Variants in UTP20 observed in about 807,000 individuals in gnomAD.
UTP20 encodes the protein small subunit processome component 20 homolog.
In UTP20, 164 loss-of-function variants were observed where a neutral mutation model predicts 329.5. That is an observed-to-expected ratio of 0.50 (90% CI 0.44 to 0.57). The LOEUF (loss-of-function observed/expected upper bound fraction) is 0.57. Ranked by LOEUF, UTP20 falls within the 20% of genes least tolerant of loss-of-function variation. UTP20 has a pLI of 0.00. For synonymous variants in UTP20, 1,151 were observed against 1,159.3 expected (o/e 0.99, Z 0.14); for missense variants, 3,055 against 3,284.2 (o/e 0.93, Z 1.71).
intron 16 of UTP20, 56 bp downstream of exon 16, chr12:101,306,121 G>T (rs978503546): frequency 7.4e-6 from 11 of 1,483,908 alleles, no homozygotes; most frequent in Non-Finnish European, 9.9e-6. Flanking sequence ...TTTCTATATG[G>T]ACTGCAGTGG....
Position 101,365,460 on chromosome 12 carries a change from T to A in UTP20, c.5960T>A (p.Ile1987Asn). ...ATGACATTTATGTTTTGCCTTTAGA[T>A]CTTACAAAATACCACGAGTTTGAAA... ...VTKLILPLKE[I>N]LQNTTSLKLA... Residue 1987 changes from isoleucine to asparagine, a missense_variant and splice_region_variant, in exon 46 of 62, where the codon ATC becomes AAC. Coordinates refer to ENST00000261637, the MANE Select transcript of UTP20 (RefSeq NM_014503.3). 1 of 1,601,182 alleles carries A rather than the reference T, an allele frequency of 6.2e-7. No individual in the cohort carries two copies.
chr12:101,292,934 T>A (rs115916003), intron 10 of UTP20, among the ~76,000 whole-genome samples: 344 of 152,348 alleles, frequency 2.3e-3, no homozygotes, highest in African/African-American at 7.6e-3. Context: ...AATCATGCTG[T>A]TTGCCCTTTC....
intron 51 of UTP20, among the ~76,000 whole-genome samples, chr12:101,371,844 A>G (rs1206986019): frequency 6.6e-6 from 1 of 152,142 alleles, no homozygotes; most frequent in Non-Finnish European, 1.5e-5. Flanking sequence ...GCTTTGTTCT[A>G]AGAATAGCAA....
intron 45 of UTP20, among the ~76,000 whole-genome samples, chr12:101,365,048 T>A (rs1224945448): frequency 2.7e-5 from 4 of 149,806 alleles, no homozygotes; most frequent in African/African-American, 1.0e-4. Context: ...TGGTTTTCTA[T>A]GAGGAGTGAA....
chr12:101,383,076 G>T lies in UTP20; in HGVS notation c.7692G>T (p.Leu2564Phe). 6.2e-7 allele frequency: 1 copy of T among 1,609,130 alleles called. No homozygotes were observed. Among genetic ancestry groups the T allele is most frequent in the South Asian group, 1.1e-5 (1 of 89,804 alleles). Reference protein sequence around the residue: ...VKNLLFAAKVLYLLELYCEDK... With the variant: ...VKNLLFAAKVFYLLELYCEDK... ...ATTTGTTGTTCGCAGCCAAAGTCTT[G>T]TATTTACTGGAACTTTATTGTGAGG... Residue 2564 changes from leucine (L) to phenylalanine (F), a missense_variant, in exon 59 of 62, where the codon TTG becomes TTT. By Grantham distance (22) the Leu-to-Phe change is conservative. Around this residue, in one of 3 missense-constraint regions of UTP20, gnomAD observed 337 missense variants for 345.5 expected, o/e 0.98. Coordinates refer to ENST00000261637, the MANE Select transcript of UTP20 (RefSeq NM_014503.3).
intron 8 of UTP20, 89 bp downstream of exon 8, chr12:101,290,977 G>A: frequency 7.4e-7 from 1 of 1,355,494 alleles, no homozygotes. Flanking sequence ...ACTCCTAGAA[G>A]TTATATTTTA....
At chr12:101,317,355 T>A in intron 21 of UTP20, 123 bp from the exon 22 acceptor site, 1 of 1,042,940 alleles carries the variant, frequency 9.6e-7, no homozygotes, top group Non-Finnish European at 1.4e-6. Flanking sequence ...TTGCCTAAGG[T>A]ACCACTATGT....
Position 101,338,122 on chromosome 12 carries a change from T to C in UTP20, c.3713T>C (p.Ile1238Thr). ...ECDILTNVFA[I>T]LSAKNLSDAT... ...GATATCCTGACCAATGTTTTTGCAA[T>C]TCTCTCAGCGAAGAATCTTTCTGAT... The change falls in exon 30 of 62, where the codon ATT (isoleucine) becomes ACT (threonine). Residue 1238 changes from isoleucine to threonine, a missense_variant. This residue lies in a region of UTP20 where 2,445 missense variants were observed against 2,575.5 expected (regional missense o/e 0.95). Coordinates refer to ENST00000261637, the MANE Select transcript of UTP20 (RefSeq NM_014503.3). 6.2e-7 allele frequency: 1 copy of C among 1,614,186 alleles called. No homozygotes were observed. Among genetic ancestry groups the C allele is most frequent in the African/African-American group, 1.3e-5 (1 of 75,070 alleles).
chr12:101,379,592 T>C (rs561400980), intron 57 of UTP20, 34 bp downstream of exon 57: 59 of 1,588,372 alleles, frequency 3.7e-5, no homozygotes, highest in Non-Finnish European at 4.9e-5. Flanking sequence ...CCTTCCCTCG[T>C]GACTGTAAGA....
intron 58 of UTP20, among the ~76,000 whole-genome samples, chr12:101,382,029 A>AAG (rs916958913): frequency 1.3e-5 from 2 of 150,566 alleles, no homozygotes; most frequent in African/African-American, 4.9e-5. Flanking sequence ...AAAAAAAAAA[A>AAG]AAAAAAAGAG....
Position 101,377,265 on chromosome 12 carries a change from A to T in UTP20, c.7396+1509A>T, listed in dbSNP as rs181159977. Among the ~76,000 whole-genome samples the T allele has an allele frequency of 4.6e-5, 7 of 152,330 alleles. No homozygotes were observed. The East Asian group carries it at 9.6e-4, about 21-fold the overall frequency. On this transcript the variant is annotated intron_variant, in intron 56 of 61. Coordinates refer to ENST00000261637, the MANE Select transcript of UTP20 (RefSeq NM_014503.3). ...ATCAAAAGTAAAAACATGTCTATGA[A>T]ATATAGCAGCAAGACTAAAACTGAG...
At chr12:101,351,405 G>A (rs369140966) in intron 38 of UTP20, among the ~76,000 whole-genome samples, 1 of 152,236 alleles carries the variant, frequency 6.6e-6, no homozygotes, top group Non-Finnish European at 1.5e-5. Context: ...GATTACAGGC[G>A]TGTGCCACCG....
In UTP20 at chr12:101,321,313, G is replaced by A. The variant is rs147945605; in HGVS notation, c.2916-191G>A. On this transcript the variant is annotated intron_variant, in intron 24 of 61. Coordinates refer to ENST00000261637, the MANE Select transcript of UTP20 (RefSeq NM_014503.3). ...GACAGAATCTAATCTTTTCTAATCC[G>A]TTATACCTTTTGAAATGTACAAATC... 2.5e-4 allele frequency among the ~76,000 whole-genome samples: 38 copies of A among 152,064 alleles called. 1 individual carries two copies. In the East Asian group the frequency reaches 7.0e-3, roughly 28 times the overall value.
At chr12:101,345,031 C>T (rs1348923445) in intron 36 of UTP20, among the ~76,000 whole-genome samples, 3 of 150,160 alleles carry the variant, frequency 2.0e-5, no homozygotes, top group African/African-American at 4.9e-5. Context: ...CTGCAACCTC[C>T]GCCTCCCGGG....
Position 101,366,597 on chromosome 12 carries a change from C to T in UTP20, c.6165C>T (p.Pro2055=), listed in dbSNP as rs1451038911. ...VAPAPDPRLP[P]QSCLLLPPTP... ...CAGCACCAGATCCACGTCTACCACCCCAGAGCTGCCTTCTGCTTCCCCCAA... is the reference window on the plus strand; with the variant it reads ...CAGCACCAGATCCACGTCTACCACCTCAGAGCTGCCTTCTGCTTCCCCCAA... Residue 2055 remains proline, a synonymous_variant, in exon 47 of 62, where the codon CCC becomes CCT. Coordinates refer to ENST00000261637, the MANE Select transcript of UTP20 (RefSeq NM_014503.3). 7 of 1,614,042 alleles carry T rather than the reference C, an allele frequency of 4.3e-6. No homozygotes were observed. Among genetic ancestry groups the T allele is most frequent in the Admixed American group, 1.7e-5 (1 of 59,998 alleles).
chr12:101,378,908 T>C (rs1203303359), intron 56 of UTP20, among the ~76,000 whole-genome samples: 1 of 152,112 alleles, frequency 6.6e-6, no homozygotes, highest in Non-Finnish European at 1.5e-5. Flanking sequence ...CTCTAGCTCC[T>C]GTGAGCTTCT....
intron 12 of UTP20, among the ~76,000 whole-genome samples, chr12:101,296,319 C>T (rs1368556764): frequency 6.6e-6 from 1 of 152,180 alleles, no homozygotes. Context: ...CGCCTGTAAT[C>T]CCAGCACTTT....
intron 11 of UTP20, among the ~76,000 whole-genome samples, chr12:101,295,261 A>G (rs1233711141): frequency 6.6e-6 from 1 of 152,190 alleles, no homozygotes; most frequent in African/African-American, 2.4e-5. Context: ...CTGACACTGC[A>G]TTATTAGTAG....
chr12:101,355,929 A>G (rs1869704958), intron 41 of UTP20, among the ~76,000 whole-genome samples: 2 of 152,162 alleles, frequency 1.3e-5, no homozygotes, highest in African/African-American at 4.8e-5. Context: ...TGAGTTTCCT[A>G]TACTTGACAG....
Sources: allele counts gnomAD v4.1 joint callset (sites outside exome capture counted in the v4.1 genomes callset), GRCh38; gene constraint gnomAD v4.1.1; regional missense constraint gnomAD v4.1.1; transcripts MANE v1.5; gene names NCBI Gene and HGNC (gene_info 2026-07-23, HGNC 2026-07-21).